The following KCTD8 variants were observed in gnomAD, a reference collection of about 807,000 sequenced individuals.
KCTD8 encodes BTB/POZ domain-containing protein KCTD8.
In KCTD8, 27 loss-of-function variants were observed where a neutral mutation model predicts 31.5. The ratio of observed to expected loss-of-function variants is 0.86; its 90% CI spans 0.63 to 1.18. The LOEUF (loss-of-function observed/expected upper bound fraction) is 1.18. KCTD8 is among the 50% of genes most tolerant of loss of function. The pLI is 0.00. For synonymous variants in KCTD8, 290 were observed against 280.0 expected, an observed-to-expected ratio of 1.04 and a Z score of -0.36; for missense variants, 658 against 647.7, an observed-to-expected ratio of 1.02 and a Z score of -0.17.
intron 1 of KCTD8, among the ~76,000 whole-genome samples, chr4:44,371,406 C>A (rs2109436582): frequency 6.6e-6 from 1 of 152,244 alleles, no homozygotes; most frequent in African/African-American, 2.4e-5. Context: ...AAAAAAGTCA[C>A]ATAAGAACAG....
intron 1 of KCTD8, among the ~76,000 whole-genome samples, chr4:44,226,849 T>C (rs888663498): frequency 6.6e-6 from 1 of 152,172 alleles, no homozygotes; most frequent in African/African-American, 2.4e-5. Flanking sequence ...TTTTGAGAAG[T>C]GTCTGTTCAT....
chr4:44,365,575 T>A (rs758739278), intron 1 of KCTD8, among the ~76,000 whole-genome samples: 5 of 152,200 alleles, frequency 3.3e-5, no homozygotes, highest in Non-Finnish European at 5.9e-5. Context: ...AGGTATCACC[T>A]GTAACCTTTT....
intron 1 of KCTD8, among the ~76,000 whole-genome samples, chr4:44,268,848 TCTTCAAGGAGAACTACAAA>T (rs1445044897): frequency 2.0e-5 from 3 of 151,786 alleles, no homozygotes; most frequent in African/African-American, 7.3e-5. Context: ...GTGAAGGACC[TCTTCAAGGAGAACTACAAA>T]CCACTGCTCA....
chr4:44,324,735 C>T (rs1393438640), intron 1 of KCTD8, among the ~76,000 whole-genome samples: 1 of 151,918 alleles, frequency 6.6e-6, no homozygotes. Flanking sequence ...ATATTGGCTT[C>T]CCCTTGGAGA....
intron 1 of KCTD8, among the ~76,000 whole-genome samples, chr4:44,391,703 G>T (rs1439778033): frequency 6.6e-6 from 1 of 151,728 alleles, no homozygotes; most frequent in Non-Finnish European, 1.5e-5. Context: ...TTTTGGGGGA[G>T]TCAAAAAGTT....
intron 1 of KCTD8, among the ~76,000 whole-genome samples, chr4:44,221,278 G>A (rs759510209): frequency 2.1e-4 from 32 of 151,982 alleles, no homozygotes; most frequent in South Asian, 2.1e-4. Context: ...GCTATTTCTT[G>A]TTCCATTGAG....
chr4:44,175,611 T>C (rs1162274059), intron 1 of KCTD8, among the ~76,000 whole-genome samples: 6 of 152,326 alleles, frequency 3.9e-5, no homozygotes, highest in East Asian at 3.9e-4. Context: ...TAGCCCTCTA[T>C]CTGTTTTGTT....
chr4:44,365,423 T>C (rs925504803), intron 1 of KCTD8, among the ~76,000 whole-genome samples: 8 of 152,152 alleles, frequency 5.3e-5, no homozygotes, highest in Non-Finnish European at 1.2e-4. Context: ...AGAAAGGGTA[T>C]GTTATATTAA....
intron 1 of KCTD8, among the ~76,000 whole-genome samples, chr4:44,385,383 C>T (rs1720183358): frequency 1.3e-5 from 2 of 151,574 alleles, no homozygotes; most frequent in Admixed American, 1.3e-4. Context: ...AATAGAAAGC[C>T]TAGAAATAAA....
chr4:44,400,948 T>C (rs1268075334), intron 1 of KCTD8, among the ~76,000 whole-genome samples: 1 of 151,114 alleles, frequency 6.6e-6, no homozygotes, highest in Non-Finnish European at 1.5e-5. Flanking sequence ...GCAATCCCTC[T>C]GCCTCAGCCT....
At chr4:44,425,208 A>G (rs1721315005) in intron 1 of KCTD8, among the ~76,000 whole-genome samples, 2 of 152,022 alleles carry the variant, frequency 1.3e-5, no homozygotes, top group Non-Finnish European at 2.9e-5. Context: ...GCAAACTAAT[A>G]CACTCCTGTA....
At chr4:44,432,113 C>A (rs962536870) in intron 1 of KCTD8, among the ~76,000 whole-genome samples, 1 of 151,124 alleles carries the variant, frequency 6.6e-6, no homozygotes, top group Non-Finnish European at 1.5e-5. Context: ...GTATTTTATT[C>A]CTATATCTAC....
intron 1 of KCTD8, among the ~76,000 whole-genome samples, chr4:44,194,692 T>A (rs1028675261): frequency 1.3e-5 from 2 of 151,842 alleles, no homozygotes; most frequent in African/African-American, 4.8e-5. Context: ...TTTATAAAAA[T>A]TACTTAAAAT....
At chr4:44,319,191 C>A (rs995435532) in intron 1 of KCTD8, among the ~76,000 whole-genome samples, 2 of 152,138 alleles carry the variant, frequency 1.3e-5, no homozygotes, top group African/African-American at 4.8e-5. Context: ...TACTGAAGTA[C>A]TGGTGAAATA....
At chr4:44,179,559 T>A (rs1713318199) in intron 1 of KCTD8, among the ~76,000 whole-genome samples, 1 of 150,510 alleles carries the variant, frequency 6.6e-6, no homozygotes. Context: ...ATTTTGCTAA[T>A]CCTATTTAAT....
chr4:44,188,556 T>C (rs748178899), intron 1 of KCTD8, among the ~76,000 whole-genome samples: 2 of 152,138 alleles, frequency 1.3e-5, no homozygotes, highest in Non-Finnish European at 2.9e-5. Flanking sequence ...CCATAAAAGA[T>C]AGCAGGCCCG....
chr4:44,256,331 G>A (rs66461448), intron 1 of KCTD8, among the ~76,000 whole-genome samples: 28,808 of 151,700 alleles, frequency 0.19, 2,816 homozygotes, highest in East Asian at 0.29. Flanking sequence ...AGTAGCAGAC[G>A]CTCTCAATTC....
intron 1 of KCTD8, among the ~76,000 whole-genome samples, chr4:44,225,636 T>TA (rs1308421654): frequency 1.3e-5 from 2 of 151,716 alleles, no homozygotes; most frequent in Non-Finnish European, 1.5e-5. Flanking sequence ...TGGTGATGAT[T>TA]AAAAAAAATA....
chr4:44,354,447 T>A (rs1316761132), intron 1 of KCTD8, among the ~76,000 whole-genome samples: 5 of 152,140 alleles, frequency 3.3e-5, no homozygotes. Flanking sequence ...TAAAACAACC[T>A]TCATTTTCAG....
Sources: allele counts gnomAD v4.1 joint callset (sites outside exome capture counted in the v4.1 genomes callset), GRCh38; gene constraint gnomAD v4.1.1; transcripts MANE v1.5; gene names NCBI Gene and HGNC (gene_info 2026-07-23, HGNC 2026-07-21).